SNTG2: variants seen among roughly 807,000 people sequenced by gnomAD.
SNTG2 encodes the protein gamma-2-syntrophin.
A neutral mutation model predicts 70.9 loss-of-function variants in SNTG2; 74 were observed. That is an observed-to-expected ratio of 1.04 (90% confidence interval 0.86 to 1.27). The LOEUF is 1.27. SNTG2 is among the 50% of genes most tolerant of loss of function. SNTG2 has a pLI of 0.00. For synonymous variants in SNTG2, 278 were observed against 273.8 expected (o/e 1.02, Z -0.15); for missense variants, 717 against 690.7 (o/e 1.04, Z -0.43).
intron 9 of SNTG2, among the ~76,000 whole-genome samples, chr2:1,219,099 C>G: frequency 6.6e-6 from 1 of 152,076 alleles, no homozygotes; most frequent in East Asian, 1.9e-4. Context: ...AGCACCCAAC[C>G]CCTCGGTACT....
chr2:1,143,325 C>G lies in SNTG2; in HGVS notation c.411+5516C>G, dbSNP rs574381809. ...TCAGGGAAATCCTGAAGCTCTCTAG[C>G]ACTCCACTCATGCCTTAAAGTGGAA... On this transcript the variant is annotated intron_variant, in intron 6 of 16. Transcript: ENST00000308624. Among the ~76,000 whole-genome samples the G allele has an allele frequency of 1.0e-3, 154 of 152,244 alleles. 2 individuals carry two copies. In the South Asian group the frequency reaches 0.02, roughly 20 times the overall value.
At chr2:1,031,880 C>T (rs985178154) in intron 1 of SNTG2, among the ~76,000 whole-genome samples, 4 of 151,872 alleles carry the variant, frequency 2.6e-5, no homozygotes, top group Admixed American at 6.6e-5. Flanking sequence ...CATTTCCTAG[C>T]GATGGGAAAT....
chr2:1,325,543 A>G (rs1681724514), intron 16 of SNTG2, among the ~76,000 whole-genome samples: 3 of 152,194 alleles, frequency 2.0e-5, no homozygotes, highest in Non-Finnish European at 4.4e-5. Flanking sequence ...TTTGTTTTAA[A>G]GTTCTGGAAG....
chr2:1,149,951 G>A (rs1402451865), intron 6 of SNTG2, among the ~76,000 whole-genome samples: 1 of 152,108 alleles, frequency 6.6e-6, no homozygotes, highest in African/African-American at 2.4e-5. Flanking sequence ...GCCTCCCAAA[G>A]TGCTGGAATT....
intron 11 of SNTG2, among the ~76,000 whole-genome samples, chr2:1,243,852 C>T (rs1677209601): frequency 1.3e-5 from 2 of 152,222 alleles, no homozygotes; most frequent in Non-Finnish European, 1.5e-5. Context: ...ATGGTGAAAC[C>T]CCGTCTCTAC....
At chr2:1,262,924 C>T (rs1010630359) in intron 13 of SNTG2, 2 of 152,286 alleles carry the variant, frequency 1.3e-5, no homozygotes, top group South Asian at 2.1e-4. Context: ...GGTTTCCAGT[C>T]GTATCAACAC....
At chr2:994,896 C>T (rs1661627711) in intron 1 of SNTG2, among the ~76,000 whole-genome samples, 2 of 150,612 alleles carry the variant, frequency 1.3e-5, no homozygotes, top group African/African-American at 2.4e-5. Context: ...ATACAATTGG[C>T]TTTTGCTTAT....
At chr2:989,667 A>C (rs532084211) in intron 1 of SNTG2, among the ~76,000 whole-genome samples, 1 of 152,314 alleles carries the variant, frequency 6.6e-6, no homozygotes, top group South Asian at 2.1e-4. Context: ...CTCTCATAAT[A>C]TATTTGCTTT....
intron 16 of SNTG2, among the ~76,000 whole-genome samples, chr2:1,363,683 T>C (rs1244593991): frequency 6.6e-6 from 1 of 152,228 alleles, no homozygotes; most frequent in Non-Finnish European, 1.5e-5. Flanking sequence ...AAAATGTGAT[T>C]TCAATCAGCT....
At chr2:1,231,070 C>G (rs953119246) in intron 9 of SNTG2, among the ~76,000 whole-genome samples, 1 of 144,052 alleles carries the variant, frequency 6.9e-6, no homozygotes, top group African/African-American at 2.7e-5. Context: ...GAAATAGATC[C>G]GAAAGGTGAA....
intron 14 of SNTG2, among the ~76,000 whole-genome samples, chr2:1,297,996 A>G (rs993303273): frequency 9.9e-5 from 15 of 152,210 alleles, no homozygotes; most frequent in African/African-American, 3.6e-4. Flanking sequence ...TCTATGTGTT[A>G]CAAAGAGCAG....
At chr2:1,277,590 G>A (rs1421979288) in intron 14 of SNTG2, among the ~76,000 whole-genome samples, 3 of 152,124 alleles carry the variant, frequency 2.0e-5, no homozygotes, top group Non-Finnish European at 4.4e-5. Context: ...TTGCTTTATT[G>A]TGACATTTGC....
At chr2:1,042,595 C>T (rs1661502345) in intron 1 of SNTG2, among the ~76,000 whole-genome samples, 1 of 152,148 alleles carries the variant, frequency 6.6e-6, no homozygotes, top group Non-Finnish European at 1.5e-5. Flanking sequence ...GTATTTAGCT[C>T]CCACTTACAA....
intron 1 of SNTG2, among the ~76,000 whole-genome samples, chr2:977,149 C>T (rs1660932030): frequency 6.6e-6 from 1 of 152,168 alleles, no homozygotes; most frequent in Non-Finnish European, 1.5e-5. Context: ...GTGGGAGAGC[C>T]TGTTCCTATC....
intron 11 of SNTG2, among the ~76,000 whole-genome samples, chr2:1,243,494 G>T (rs955366549): frequency 3.3e-5 from 5 of 152,170 alleles, no homozygotes; most frequent in African/African-American, 1.2e-4. Flanking sequence ...TGCCATGCTG[G>T]AAAAAGAATC....
In SNTG2 at chr2:1,209,091, T is replaced by C. The variant is rs747222272; in HGVS notation, c.592-12T>C. ...GCCTCTGTGACGCTTCATTCTCCTTTCTTCTGTACAGGCCCCATCGTCACC... is the reference window on the plus strand; with the variant it reads ...GCCTCTGTGACGCTTCATTCTCCTTCCTTCTGTACAGGCCCCATCGTCACC... On this transcript the variant is annotated splice_polypyrimidine_tract_variant and intron_variant, in intron 8 of 16. Coordinates refer to ENST00000308624, the MANE Select transcript of SNTG2 (RefSeq NM_018968.4). 2.5e-5 allele frequency: 40 copies of C among 1,613,140 alleles called. No homozygotes were observed. Among genetic ancestry groups the C allele is most frequent in the Non-Finnish European group, 3.1e-5 (36 of 1,179,686 alleles).
At chr2:1,025,756 C>T (rs1558320405) in intron 1 of SNTG2, among the ~76,000 whole-genome samples, 1 of 152,188 alleles carries the variant, frequency 6.6e-6, no homozygotes, top group Non-Finnish European at 1.5e-5. Flanking sequence ...CCGGGATGAC[C>T]CCCATCTCAC....
intron 4 of SNTG2, 125 bp from the exon 5 acceptor site, chr2:1,137,497 C>T: frequency 5.1e-6 from 4 of 791,042 alleles, no homozygotes; most frequent in Non-Finnish European, 8.2e-6. Flanking sequence ...CTCACGTGGA[C>T]ACATGCACAC....
At chr2:1,007,698 A>G (rs1036581776) in intron 1 of SNTG2, among the ~76,000 whole-genome samples, 1 of 152,228 alleles carries the variant, frequency 6.6e-6, no homozygotes, top group Admixed American at 6.5e-5. Context: ...AGGTCTATAG[A>G]AAAAGATGCA....
Sources: allele counts gnomAD v4.1 joint callset (sites outside exome capture counted in the v4.1 genomes callset), GRCh38; gene constraint gnomAD v4.1.1; transcripts MANE v1.5; gene names NCBI Gene and HGNC (gene_info 2026-07-23, HGNC 2026-07-21).